PIK3C2A: variants seen among roughly 807,000 people sequenced by gnomAD.
PIK3C2A encodes the protein phosphatidylinositol 4-phosphate 3-kinase C2 domain-containing subunit alpha.
In PIK3C2A, 97 loss-of-function variants were observed where a neutral mutation model predicts 204.5. The observed-to-expected ratio is 0.47, with a 90% CI of 0.40 to 0.56. The LOEUF (loss-of-function observed/expected upper bound fraction) is 0.56. PIK3C2A is among the 20% of genes least tolerant of loss of function. The pLI is 0.00. For missense variants in PIK3C2A, 1,735 were observed against 1,969.2 expected, an observed-to-expected ratio of 0.88 and a Z score of 2.25; for synonymous variants, 653 against 664.4, an observed-to-expected ratio of 0.98 and a Z score of 0.26.
intron 22 of PIK3C2A, among the ~76,000 whole-genome samples, chr11:17,107,005 CT>C (rs1848842975): frequency 7.2e-5 from 11 of 152,098 alleles, no homozygotes; most frequent in Admixed American, 5.2e-4. Flanking sequence ...TTTTTGTTTT[CT>C]CTCTGACTCC....
At chr11:17,135,895 C>A (rs1849857549) in intron 9 of PIK3C2A, among the ~76,000 whole-genome samples, 2 of 152,124 alleles carry the variant, frequency 1.3e-5, no homozygotes, top group African/African-American at 4.8e-5. Flanking sequence ...CTTTGAGATG[C>A]ACCCCTTCTT....
chr11:17,146,736 AAG>A (rs1850257338), intron 6 of PIK3C2A, among the ~76,000 whole-genome samples: 1 of 151,970 alleles, frequency 6.6e-6, no homozygotes, highest in Non-Finnish European at 1.5e-5. Flanking sequence ...GAAAAAAAAA[AAG>A]AACATCATTC....
intron 1 of PIK3C2A, among the ~76,000 whole-genome samples, chr11:17,177,012 T>C (rs1851360387): frequency 6.6e-6 from 1 of 152,120 alleles, no homozygotes; most frequent in Non-Finnish European, 1.5e-5. Flanking sequence ...TGAAGAAATT[T>C]AAGCATACAA....
intron 22 of PIK3C2A, among the ~76,000 whole-genome samples, chr11:17,109,391 C>G (rs780723836): frequency 1.2e-4 from 19 of 152,274 alleles, no homozygotes; most frequent in Non-Finnish European, 2.1e-4. Context: ...ATAATGATGG[C>G]TGCCATTTAT....
At chr11:17,198,845 G>A (rs896951688) in intron 1 of PIK3C2A, among the ~76,000 whole-genome samples, 22 of 151,844 alleles carry the variant, frequency 1.4e-4, no homozygotes, top group African/African-American at 4.6e-4. Context: ...TAGTCTGGGC[G>A]CAGTGGCTTA....
At chr11:17,139,469 C>T (rs747531212) in intron 8 of PIK3C2A, among the ~76,000 whole-genome samples, 1 of 152,058 alleles carries the variant, frequency 6.6e-6, no homozygotes, top group Non-Finnish European at 1.5e-5. Context: ...GGTGATCTGC[C>T]CACCTCCACC....
intron 8 of PIK3C2A, among the ~76,000 whole-genome samples, chr11:17,140,859 T>A (rs966090655): frequency 2.0e-5 from 3 of 152,212 alleles, no homozygotes; most frequent in African/African-American, 7.2e-5. Flanking sequence ...AAGTATAATA[T>A]AGAGTTACTA....
chr11:17,101,003 C>A (rs1848608145), intron 25 of PIK3C2A, among the ~76,000 whole-genome samples: 1 of 152,174 alleles, frequency 6.6e-6, no homozygotes, highest in Admixed American at 6.5e-5. Context: ...TATCAGATGC[C>A]TGCCTTGGGG....
At chr11:17,107,770 T>C (rs1322190661) in intron 22 of PIK3C2A, among the ~76,000 whole-genome samples, 1 of 152,216 alleles carries the variant, frequency 6.6e-6, no homozygotes, top group Admixed American at 6.5e-5. Flanking sequence ...GAAACAGAAG[T>C]TGACCAAGGC....
intron 22 of PIK3C2A, among the ~76,000 whole-genome samples, chr11:17,106,984 G>A (rs1198789841): frequency 6.6e-6 from 1 of 152,134 alleles, no homozygotes; most frequent in Non-Finnish European, 1.5e-5. Flanking sequence ...ATGCCTGGCT[G>A]AACAAATTGT....
chr11:17,173,364 T>C (rs1298802849), intron 1 of PIK3C2A, among the ~76,000 whole-genome samples: 1 of 152,156 alleles, frequency 6.6e-6, no homozygotes, highest in Non-Finnish European at 1.5e-5. Flanking sequence ...TGAAACTATT[T>C]GGAAAGAAAG....
At chr11:17,136,668 T>A in intron 8 of PIK3C2A, 43 bp from the exon 9 acceptor site, 1 of 1,142,472 alleles carries the variant, frequency 8.8e-7, no homozygotes, top group Non-Finnish European at 1.2e-6. Context: ...AGGTGAAATT[T>A]AAAGGACCAA....
In PIK3C2A at chr11:17,116,773, T is replaced by C. The variant is rs1403026017; in HGVS notation, c.3216+718A>G. 2.0e-5 allele frequency among the ~76,000 whole-genome samples: 3 copies of C among 152,016 alleles called. No individual in the cohort carries two copies. In the East Asian group the frequency reaches 5.8e-4, roughly 29 times the overall value. ...CCTGGCTAATTTTTTGTATTTTTAGTAGAGACGGGGTTTCACCATGTTAAC... is the reference window on the plus strand; with the variant it reads ...CCTGGCTAATTTTTTGTATTTTTAGCAGAGACGGGGTTTCACCATGTTAAC... On this transcript the variant is annotated intron_variant, in intron 19 of 32. Coordinates refer to ENST00000691414, the MANE Select transcript of PIK3C2A (RefSeq NM_002645.4).
chr11:17,103,843 A>C (rs1484191521), intron 23 of PIK3C2A, among the ~76,000 whole-genome samples: 1 of 152,220 alleles, frequency 6.6e-6, no homozygotes, highest in Non-Finnish European at 1.5e-5. Flanking sequence ...CCAAATTCAT[A>C]AAAGATGCTT....
chr11:17,172,637 C>T (rs533140368), intron 1 of PIK3C2A, among the ~76,000 whole-genome samples: 8 of 152,318 alleles, frequency 5.3e-5, no homozygotes, highest in African/African-American at 1.9e-4. Flanking sequence ...TAGCAACAAA[C>T]TTCTGTTTTA....
intron 24 of PIK3C2A, among the ~76,000 whole-genome samples, chr11:17,102,062 C>T (rs891206100): frequency 4.2e-4 from 64 of 152,334 alleles, no homozygotes; most frequent in African/African-American, 1.5e-3. Context: ...AAACTACTTA[C>T]TGCCGTTATA....
chr11:17,147,354 T>C (rs1020879138), intron 6 of PIK3C2A, among the ~76,000 whole-genome samples, 163 bp downstream of exon 6: 4 of 152,252 alleles, frequency 2.6e-5, no homozygotes, highest in African/African-American at 9.6e-5. Flanking sequence ...ACCTCCATGA[T>C]TGAACATCTC....
intron 1 of PIK3C2A, among the ~76,000 whole-genome samples, chr11:17,178,114 A>AAAAAAAAAAAAAG (rs1565294473): frequency 9.6e-5 from 7 of 73,242 alleles, no homozygotes; most frequent in Non-Finnish European, 1.2e-4. Context: ...AAAAAAAAAG[A>AAAAAAAAAAAAAG]AAAAAAAAAT....
intron 1 of PIK3C2A, among the ~76,000 whole-genome samples, chr11:17,172,975 A>G (rs959123327): frequency 1.3e-5 from 2 of 152,166 alleles, no homozygotes; most frequent in African/African-American, 2.4e-5. Flanking sequence ...AACTTCTCCA[A>G]TGAGGGACCT....
Sources: allele counts gnomAD v4.1 joint callset (sites outside exome capture counted in the v4.1 genomes callset), GRCh38; gene constraint gnomAD v4.1.1; transcripts MANE v1.5; gene names NCBI Gene and HGNC (gene_info 2026-07-23, HGNC 2026-07-21).